The following DMRT1 variants were observed in gnomAD, a reference collection of about 807,000 sequenced individuals.
The protein encoded by DMRT1 is doublesex- and mab-3-related transcription factor 1.
DMRT1 carries 7 observed loss-of-function variants against 32.3 expected under a neutral mutation model. The ratio of observed to expected loss-of-function variants is 0.22; its 90% CI spans 0.12 to 0.41. The LOEUF (loss-of-function observed/expected upper bound fraction) is 0.41, where lower values mean the gene tolerates loss of function less well. DMRT1 is among the 10% of genes least tolerant of loss of function. The probability of loss-of-function intolerance (pLI) is 1.00; values close to 1 mark genes in which losing one functional copy is unlikely to be tolerated. For synonymous variants in DMRT1, 278 were observed against 206.1 expected, an observed-to-expected ratio of 1.35 and a Z score of -2.99; for missense variants, 625 against 500.5, an observed-to-expected ratio of 1.25 and a Z score of -2.37.
chr9:865,182 C>T (rs1815925085), intron 2 of DMRT1, among the ~76,000 whole-genome samples: 2 of 152,064 alleles, frequency 1.3e-5, no homozygotes, highest in African/African-American at 2.4e-5. Flanking sequence ...TCAAAGTTCT[C>T]GAATATTGAA....
chr9:934,731 T>C (rs1311472538), intron 4 of DMRT1, among the ~76,000 whole-genome samples: 1 of 152,182 alleles, frequency 6.6e-6, no homozygotes, highest in Non-Finnish European at 1.5e-5. Flanking sequence ...TTCCCGGCAC[T>C]ATTTGTTAAA....
At chr9:896,284 T>C (rs1424521668) in intron 3 of DMRT1, among the ~76,000 whole-genome samples, 1 of 150,186 alleles carries the variant, frequency 6.7e-6, no homozygotes, top group East Asian at 1.9e-4. Flanking sequence ...TCTTGTCTTT[T>C]CTTTTTTTTT....
chr9:863,816 C>T (rs908219920), intron 2 of DMRT1, among the ~76,000 whole-genome samples: 1 of 152,184 alleles, frequency 6.6e-6, no homozygotes, highest in Non-Finnish European at 1.5e-5. Context: ...GGTTGAACAT[C>T]GTTCCGTATG....
intron 3 of DMRT1, among the ~76,000 whole-genome samples, chr9:904,051 A>G (rs1353241879): frequency 1.3e-5 from 2 of 152,228 alleles, no homozygotes; most frequent in Non-Finnish European, 2.9e-5. Context: ...TTCACAATTG[A>G]ATCGGAGGCA....
intron 2 of DMRT1, among the ~76,000 whole-genome samples, chr9:883,835 A>G (rs1302281058): frequency 6.6e-6 from 1 of 151,884 alleles, no homozygotes; most frequent in Non-Finnish European, 1.5e-5. Context: ...CTTTTGCTAT[A>G]CCCTCGTAGC....
chr9:914,814 A>G (rs1236911588), intron 3 of DMRT1, among the ~76,000 whole-genome samples: 3 of 152,184 alleles, frequency 2.0e-5, no homozygotes, highest in Non-Finnish European at 4.4e-5. Context: ...AGTAGAGATC[A>G]AAAATAAATT....
At chr9:910,531 A>T (rs1052245762) in intron 3 of DMRT1, among the ~76,000 whole-genome samples, 11 of 151,206 alleles carry the variant, frequency 7.3e-5, no homozygotes, top group African/African-American at 2.7e-4. Flanking sequence ...TTTTTTTTTA[A>T]AAAAAGAAGT....
intron 2 of DMRT1, among the ~76,000 whole-genome samples, chr9:885,250 T>C (rs1816881141): frequency 6.6e-6 from 1 of 152,142 alleles, no homozygotes; most frequent in African/African-American, 2.4e-5. Context: ...GTAGGTGGCT[T>C]GCGTTAGTCG....
At chr9:895,012 A>G (rs907420556) in intron 3 of DMRT1, 1 of 152,056 alleles carries the variant, frequency 6.6e-6, no homozygotes, top group African/African-American at 2.4e-5. Flanking sequence ...ATGGGGTTTC[A>G]CCATGTTGAC....
chr9:886,026 G>A (rs187389958), intron 2 of DMRT1, among the ~76,000 whole-genome samples: 1 of 152,180 alleles, frequency 6.6e-6, no homozygotes, highest in Admixed American at 6.5e-5. Flanking sequence ...TAGAAAAATA[G>A]AGAGTGAGAT....
chr9:929,973 C>T (rs377479690), intron 4 of DMRT1, among the ~76,000 whole-genome samples: 5 of 152,240 alleles, frequency 3.3e-5, no homozygotes, highest in South Asian at 4.2e-4. Context: ...GCAGAACAGC[C>T]TTGCGTCTGA....
chr9:910,040 T>C lies in DMRT1; in HGVS notation c.823-6723T>C, dbSNP rs12340459. Among the ~76,000 whole-genome samples, 1,227 of 152,314 alleles carry C rather than the reference T, an allele frequency of 8.1e-3. 13 individuals carry two copies. Among genetic ancestry groups the C allele is most frequent in the African/African-American group, 0.028 (1,180 of 41,552 alleles). On this transcript the variant is annotated intron_variant, in intron 3 of 4. Transcript: ENST00000382276. Reference sequence around the variant, plus strand: ...AGTCATTACACTATTTGTTTAAATATCAGTTTGCAATTAGGAATGTTATCC... The same window carrying C: ...AGTCATTACACTATTTGTTTAAATACCAGTTTGCAATTAGGAATGTTATCC...
At chr9:858,269 A>G (rs901171022) in intron 2 of DMRT1, among the ~76,000 whole-genome samples, 26 of 152,148 alleles carry the variant, frequency 1.7e-4, no homozygotes, top group African/African-American at 5.6e-4. Flanking sequence ...GGGAACTTTT[A>G]CAGGTGGTGA....
In DMRT1 at chr9:880,107, C is replaced by T. The variant is rs142891553; in HGVS notation, c.539-13805C>T. On this transcript the variant is annotated intron_variant, in intron 2 of 4. Transcript: ENST00000382276. ...ACTTAGTTCATTTTCAAGAGAATGC[C>T]GCCAAATATCTGAGTTTCAGTAATT... 8.4e-3 allele frequency among the ~76,000 whole-genome samples: 1,285 copies of T among 152,244 alleles called. 12 individuals are homozygous for T. Among genetic ancestry groups the T allele is most frequent in the African/African-American group, 0.028 (1,147 of 41,538 alleles).
intron 2 of DMRT1, among the ~76,000 whole-genome samples, chr9:885,888 A>T (rs994609542): frequency 2.6e-5 from 4 of 152,214 alleles, no homozygotes; most frequent in African/African-American, 9.6e-5. Context: ...AAGCCAGCAC[A>T]TTCTCTTGGA....
At chr9:864,246 C>A (rs141537178) in intron 2 of DMRT1, among the ~76,000 whole-genome samples, 2,687 of 151,548 alleles carry the variant, frequency 0.018, 60 homozygotes, top group Middle Eastern at 0.065. Context: ...TGCTTTGTCA[C>A]CAGGCTGGAG....
rs116860359 is a variant in DMRT1 at position 931,369 on chromosome 9, T to C, written c.967+14462T>C. Among the ~76,000 whole-genome samples, 3 of 152,360 alleles carry C rather than the reference T, an allele frequency of 2.0e-5. No individual in the cohort carries two copies. The East Asian group carries it at 5.8e-4, about 29-fold the overall frequency. On this transcript the variant is annotated intron_variant, in intron 4 of 4. Transcript: ENST00000382276. ...CAGTTCTTTGAATTCAACATACAAA[T>C]GTAATGAGTAGAACCTCTTCTATGC...
At chr9:883,443 T>C (rs562393090) in intron 2 of DMRT1, among the ~76,000 whole-genome samples, 1 of 151,938 alleles carries the variant, frequency 6.6e-6, no homozygotes, top group South Asian at 2.1e-4. Context: ...TGCCATGAAA[T>C]CAGTCATCAT....
intron 2 of DMRT1, among the ~76,000 whole-genome samples, chr9:883,937 A>T (rs1816829488): frequency 6.6e-6 from 1 of 152,178 alleles, no homozygotes. Context: ...TAAAACTCAG[A>T]AGCTAAGTAG....
Sources: gnomAD v4.1 joint callset for allele counts (sites outside exome capture counted in the v4.1 genomes callset) on GRCh38, gnomAD v4.1.1 for gene constraint, MANE v1.5 for transcripts, NCBI Gene and HGNC (gene_info 2026-07-23, HGNC 2026-07-21) for gene names.